The following RAB2B variants were observed in gnomAD, a reference collection of about 807,000 sequenced individuals.
RAB2B encodes the protein ras-related protein Rab-2B.
RAB2B carries 20 observed loss-of-function variants against 29.8 expected under a neutral mutation model. The observed-to-expected ratio is 0.67, with a 90% confidence interval of 0.47 to 0.97. RAB2B has a LOEUF of 0.97. Among genes scored for constraint, RAB2B ranks in the 50% least tolerant of loss-of-function variants. RAB2B has a pLI of 0.00. For missense variants in RAB2B, 218 were observed against 272.0 expected (o/e 0.80, Z 1.40); for synonymous variants, 93 against 91.7 (o/e 1.01, Z -0.08).
chr14:21,475,603 T>C (rs544409682), intron 2 of RAB2B, among the ~76,000 whole-genome samples: 6 of 152,238 alleles, frequency 3.9e-5, no homozygotes, highest in Admixed American at 3.9e-4. Flanking sequence ...CTAATTTTTT[T>C]AACAATACAT....
chr14:21,464,163 A>G (rs1890634390), intron 5 of RAB2B, among the ~76,000 whole-genome samples: 1 of 152,102 alleles, frequency 6.6e-6, no homozygotes, highest in African/African-American at 2.4e-5. Context: ...GCTCTTTGGG[A>G]TGCCGAGGCA....
At chr14:21,472,674 G>C (rs946246707) in intron 3 of RAB2B, among the ~76,000 whole-genome samples, 2 of 152,156 alleles carry the variant, frequency 1.3e-5, no homozygotes, top group African/African-American at 4.8e-5. Context: ...AGGCCAGTTG[G>C]ATGACCATGT....
At chr14:21,463,616 A>C in intron 6 of RAB2B, 40 bp downstream of exon 6, 2 of 1,271,716 alleles carry the variant, frequency 1.6e-6, no homozygotes, top group Non-Finnish European at 2.3e-6. Flanking sequence ...ATAATGGTGT[A>C]ATCTCTAAAG....
chr14:21,471,425 TG>T (rs1890810496), intron 3 of RAB2B, among the ~76,000 whole-genome samples: 1 of 152,002 alleles, frequency 6.6e-6, no homozygotes, highest in African/African-American at 2.4e-5. Context: ...GAGACCAGCC[TG>T]GGCAACATGG....
At chr14:21,467,603 T>C (rs1436883542) in intron 5 of RAB2B, among the ~76,000 whole-genome samples, 1 of 152,240 alleles carries the variant, frequency 6.6e-6, no homozygotes, top group East Asian at 1.9e-4. Flanking sequence ...GAAACTGGAA[T>C]CCTTGTACAT....
chr14:21,468,653 C>G lies in RAB2B; in HGVS notation c.269+17G>C. 3 of 1,538,616 alleles carry G rather than the reference C, an allele frequency of 1.9e-6. No homozygotes were observed. The highest frequency in any genetic ancestry group is 2.6e-6 in the Non-Finnish European group (3 of 1,145,670). On this transcript the variant is annotated intron_variant, in intron 4 of 7. Coordinates refer to ENST00000397762, the MANE Select transcript of RAB2B (RefSeq NM_032846.4). ...TTTAGGGAAGAATCTCCCTCCCATG[C>G]ACCAGATCTGGCTCACCTTGTAATG...
intron 2 of RAB2B, 197 bp downstream of exon 2, chr14:21,476,331 T>C: frequency 3.4e-6 from 2 of 582,986 alleles, no homozygotes; most frequent in South Asian, 4.8e-5. Context: ...AAGTTACCTT[T>C]CAATTATATA....
intron 3 of RAB2B, among the ~76,000 whole-genome samples, chr14:21,471,285 T>A (rs147808281): frequency 1.3e-4 from 19 of 151,972 alleles, no homozygotes; most frequent in Admixed American, 3.3e-4. Flanking sequence ...CTTGTCTATA[T>A]CAGTCTCAGG....
chr14:21,470,146 G>A (rs936983584), intron 3 of RAB2B, among the ~76,000 whole-genome samples: 1 of 151,676 alleles, frequency 6.6e-6, no homozygotes, highest in Non-Finnish European at 1.5e-5. Flanking sequence ...GTAGAGATGG[G>A]TTTTCACTAT....
At position 21,461,103 on chromosome 14, in the gene RAB2B, G is replaced by A; in HGVS notation, c.*93C>T. The A allele has an allele frequency of 2.3e-6, 2 of 873,632 alleles. No individual in the cohort carries two copies. The highest frequency in any genetic ancestry group is 3.6e-6 in the Non-Finnish European group (2 of 552,224). 54.1% of individuals were successfully genotyped at this position (873,632 alleles called of 1,614,324 possible). A position where few individuals can be genotyped will look rare whatever the true frequency, so the allele number is the denominator to read the frequency against. ...GCAAAACATCACACTTTAAAAAGAG[G>A]CTGCTCTCAGCCAAAGCAAGAAAGA... On this transcript the variant is annotated 3_prime_UTR_variant, in exon 8 of 8. Transcript: ENST00000397762.
rs974948397 is a variant in RAB2B at position 21,459,381 on chromosome 14, AC to A, written c.*1814del. 1 of 152,242 alleles carries A rather than the reference AC, an allele frequency of 6.6e-6. No homozygotes were observed. The highest frequency in any genetic ancestry group is 1.5e-5 in the Non-Finnish European group (1 of 68,040). 9.4% of individuals were successfully genotyped at this position (152,242 alleles called of 1,614,324 possible). ...GTAAACAAATGAGTGGGGCAGAATT[AC>A]AGAGAGAGGACTCTAAAGTCTTTTG... On this transcript the variant is annotated 3_prime_UTR_variant, in exon 8 of 8. Coordinates refer to ENST00000397762, the MANE Select transcript of RAB2B (RefSeq NM_032846.4).
At chr14:21,467,315 T>TC (rs1890709425) in intron 5 of RAB2B, among the ~76,000 whole-genome samples, 1 of 152,054 alleles carries the variant, frequency 6.6e-6, no homozygotes. Context: ...CAAGTGATCC[T>TC]CCCACCTCAT....
chr14:21,476,103 A>G (rs776237521), intron 2 of RAB2B, among the ~76,000 whole-genome samples: 3 of 152,244 alleles, frequency 2.0e-5, no homozygotes, highest in Non-Finnish European at 2.9e-5. Flanking sequence ...TTGCCTATTA[A>G]TTCTAAGGCA....
intron 3 of RAB2B, among the ~76,000 whole-genome samples, chr14:21,471,834 CCTGG>C (rs1407022297): frequency 6.6e-6 from 1 of 151,882 alleles, no homozygotes; most frequent in Non-Finnish European, 1.5e-5. Flanking sequence ...CGCCACCACA[CCTGG>C]CTAATTTTTT....
At position 21,476,956 on chromosome 14, in the gene RAB2B, C is replaced by T. The variant is rs4144188; in HGVS notation, c.-84G>A. The T allele has an allele frequency of 2.1e-5, 31 of 1,452,002 alleles. No homozygotes were observed. The highest frequency in any genetic ancestry group is 1.6e-4 in the East Asian group (7 of 44,074). 89.9% of individuals were successfully genotyped at this position (1,452,002 alleles called of 1,614,324 possible). On this transcript the variant is annotated 5_prime_UTR_variant, in exon 1 of 8. Coordinates refer to ENST00000397762, the MANE Select transcript of RAB2B (RefSeq NM_032846.4). ...CTCTCTAGCCACTCAATCTACCGATCTTCTTCTTCTCCCCCTTCCCCCCGC... is the reference window on the plus strand; with the variant it reads ...CTCTCTAGCCACTCAATCTACCGATTTTCTTCTTCTCCCCCTTCCCCCCGC...
chr14:21,468,694 G>A lies in RAB2B; in HGVS notation c.245C>T (p.Ala82Val), dbSNP rs1890740778. 3.2e-6 allele frequency: 5 copies of A among 1,578,858 alleles called. No homozygotes were observed. The highest frequency in any genetic ancestry group is 2.6e-6 in the Non-Finnish European group (3 of 1,164,732). The stretch of plus-strand genomic sequence containing the variant: ...CCTTGTAATGTCGTACACCAGCAGT[G>A]CTCCAGCTGCTCCCCTGTAGTAGGA... ...TRSYYRGAAG[A>V]LLVYDITRRE... Residue 82 changes from alanine (A) to valine (V), a missense_variant, in exon 4 of 8, where the codon GCA becomes GTA. Transcript: ENST00000397762.
intron 3 of RAB2B, 25 bp from the exon 4 acceptor site, chr14:21,468,777 A>G: frequency 6.8e-7 from 1 of 1,470,994 alleles, no homozygotes; most frequent in Non-Finnish European, 9.1e-7. Flanking sequence ...TGGCAACAAA[A>G]AATCCCAACA....
intron 5 of RAB2B, among the ~76,000 whole-genome samples, chr14:21,468,062 G>GA (rs1440379891): frequency 2.0e-5 from 3 of 152,088 alleles, no homozygotes; most frequent in Non-Finnish European, 4.4e-5. Flanking sequence ...GGGGATGGGG[G>GA]AGGGAAGATG....
chr14:21,475,850 G>C (rs1316978170), intron 2 of RAB2B, among the ~76,000 whole-genome samples: 1 of 152,218 alleles, frequency 6.6e-6, no homozygotes, highest in Non-Finnish European at 1.5e-5. Flanking sequence ...TAGCAATATG[G>C]TAAGAATGGG....
Sources: allele counts gnomAD v4.1 joint callset (sites outside exome capture counted in the v4.1 genomes callset), GRCh38; gene constraint gnomAD v4.1.1; transcripts MANE v1.5; gene names NCBI Gene and HGNC (gene_info 2026-07-23, HGNC 2026-07-21).